SRD5A2: variants seen among roughly 807,000 people sequenced by gnomAD.
The protein encoded by SRD5A2 is 3-oxo-5-alpha-steroid 4-dehydrogenase 2.
Under a neutral mutation model 27.4 loss-of-function variants are expected in SRD5A2, and 30 were observed. That is an observed-to-expected ratio of 1.10 (90% CI 0.82 to 1.49). SRD5A2 has a LOEUF of 1.49. Among genes scored for constraint, SRD5A2 ranks in the 40% most tolerant of loss-of-function variants. The pLI, the probability that SRD5A2 is intolerant of heterozygous loss-of-function variation, is 0.00. For missense variants in SRD5A2, 348 were observed against 323.4 expected, an observed-to-expected ratio of 1.08 and a Z score of -0.58; for synonymous variants, 141 against 133.6, an observed-to-expected ratio of 1.06 and a Z score of -0.38.
the SRD5A2 span, among the ~76,000 whole-genome samples, chr2:31,629,703 C>T: frequency 6.6e-6 from 1 of 152,118 alleles, no homozygotes; most frequent in Non-Finnish European, 1.5e-5. Context: ...TGGTTGAGAT[C>T]ATGGTGCAGC....
At chr2:31,625,089 T>C in the SRD5A2 span, among the ~76,000 whole-genome samples, 3 of 152,240 alleles carry the variant, frequency 2.0e-5, no homozygotes, top group Non-Finnish European at 4.4e-5. Flanking sequence ...GTGGTTTTGA[T>C]TTGCATTTCT....
the SRD5A2 span, among the ~76,000 whole-genome samples, chr2:31,635,530 T>C: frequency 6.6e-6 from 1 of 152,230 alleles, no homozygotes; most frequent in East Asian, 1.9e-4. Flanking sequence ...CTCCCTTTGC[T>C]TTTTAGAAGT....
chr2:31,649,743 T>C, the SRD5A2 span, among the ~76,000 whole-genome samples: 3 of 152,170 alleles, frequency 2.0e-5, no homozygotes, highest in Admixed American at 1.3e-4. Flanking sequence ...TTTGAATCTG[T>C]ATATGATACT....
chr2:31,572,708 G>A (rs1048712961), intron 1 of SRD5A2, among the ~76,000 whole-genome samples: 3 of 152,144 alleles, frequency 2.0e-5, no homozygotes, highest in African/African-American at 7.2e-5. Flanking sequence ...TTAAAAGATA[G>A]AAGTAAGATC....
At chr2:31,576,761 T>C (rs1666967378) in intron 1 of SRD5A2, among the ~76,000 whole-genome samples, 1 of 39,286 alleles carries the variant, frequency 2.5e-5, no homozygotes, top group Non-Finnish European at 5.0e-5. Flanking sequence ...TGTCCAACAA[T>C]GATAGACTGG....
intron 1 of SRD5A2, among the ~76,000 whole-genome samples, chr2:31,541,379 A>T (rs971159137): frequency 6.6e-6 from 1 of 152,108 alleles, no homozygotes; most frequent in African/African-American, 2.4e-5. Flanking sequence ...AAAAAAGAGG[A>T]AAATATAGCC....
chr2:31,596,707 T>G, the SRD5A2 span, among the ~76,000 whole-genome samples: 1 of 152,018 alleles, frequency 6.6e-6, no homozygotes, highest in Non-Finnish European at 1.5e-5. Flanking sequence ...GAGACCAAGC[T>G]GAGAATCAAA....
At chr2:31,650,806 A>T in the SRD5A2 span, among the ~76,000 whole-genome samples, 1 of 152,180 alleles carries the variant, frequency 6.6e-6, no homozygotes, top group Non-Finnish European at 1.5e-5. Context: ...ACAGGATTGG[A>T]GAGAAGAGGG....
At chr2:31,569,967 CACTCCT>C (rs1283422420) in intron 1 of SRD5A2, among the ~76,000 whole-genome samples, 1 of 151,994 alleles carries the variant, frequency 6.6e-6, no homozygotes, top group African/African-American at 2.4e-5. Context: ...GAGCTGGTAC[CACTCCT>C]ACTTAAACTA....
the SRD5A2 span, among the ~76,000 whole-genome samples, chr2:31,632,004 G>A: frequency 2.0e-5 from 3 of 152,100 alleles, no homozygotes; most frequent in Admixed American, 2.0e-4. Context: ...CCTTTCTGGA[G>A]AGACTAAGGG....
At chr2:31,661,723 T>A in the SRD5A2 span, among the ~76,000 whole-genome samples, 1 of 152,178 alleles carries the variant, frequency 6.6e-6, no homozygotes, top group South Asian at 2.1e-4. Context: ...TTTTACCCAA[T>A]CTGGAAATTT....
At chr2:31,535,995 T>C (rs554165792) in intron 1 of SRD5A2, among the ~76,000 whole-genome samples, 2 of 152,340 alleles carry the variant, frequency 1.3e-5, no homozygotes, top group African/African-American at 4.8e-5. Flanking sequence ...CCTTATTGGA[T>C]TATGAGGCTG....
the SRD5A2 span, among the ~76,000 whole-genome samples, chr2:31,603,981 C>T: frequency 6.6e-6 from 1 of 151,802 alleles, no homozygotes; most frequent in Non-Finnish European, 1.5e-5. Context: ...ATCTGTGCAG[C>T]AAACCACCAT....
intron 1 of SRD5A2, among the ~76,000 whole-genome samples, chr2:31,567,878 G>T (rs998144167): frequency 2.0e-5 from 3 of 151,998 alleles, no homozygotes; most frequent in Non-Finnish European, 4.4e-5. Flanking sequence ...GCTGCACTTG[G>T]CTCATGCTAC....
the SRD5A2 span, among the ~76,000 whole-genome samples, chr2:31,639,938 T>C: frequency 6.6e-6 from 1 of 152,144 alleles, no homozygotes; most frequent in African/African-American, 2.4e-5. Context: ...TTCTTCCCCT[T>C]GCTCTTGTTC....
chr2:31,581,136 G>C, upstream of SRD5A2: 1 of 551,960 alleles, frequency 1.8e-6, no homozygotes, highest in Non-Finnish European at 3.2e-6. Context: ...TAGTTCGCCC[G>C]CCCTCTCCAC....
At chr2:31,657,171 C>A in the SRD5A2 span, among the ~76,000 whole-genome samples, 3 of 152,138 alleles carry the variant, frequency 2.0e-5, no homozygotes, top group Non-Finnish European at 4.4e-5. Context: ...TAGTTAATAA[C>A]AACCTGTCAA....
At chr2:31,650,459 C>A in the SRD5A2 span, among the ~76,000 whole-genome samples, 1 of 152,038 alleles carries the variant, frequency 6.6e-6, no homozygotes, top group African/African-American at 2.4e-5. Context: ...GCTCTCAGAG[C>A]CTTCCCTCTT....
At chr2:31,574,465 A>C (rs1282521067) in intron 1 of SRD5A2, among the ~76,000 whole-genome samples, 2 of 152,218 alleles carry the variant, frequency 1.3e-5, no homozygotes, top group Non-Finnish European at 2.9e-5. Flanking sequence ...TTAGATTTTA[A>C]ATGGACAAAA....
Sources: gnomAD v4.1 joint callset for allele counts (sites outside exome capture counted in the v4.1 genomes callset) on GRCh38, gnomAD v4.1.1 for gene constraint, MANE v1.5 for transcripts, NCBI Gene and HGNC (gene_info 2026-07-23, HGNC 2026-07-21) for gene names.